The following RNGTT variants were observed in gnomAD, a reference collection of about 807,000 sequenced individuals.
RNGTT encodes the protein mRNA-capping enzyme.
RNGTT carries 33 observed loss-of-function variants against 79.3 expected under a neutral mutation model. The ratio of observed to expected loss-of-function variants is 0.42; its 90% confidence interval spans 0.32 to 0.56. The LOEUF is 0.56. RNGTT is among the 20% of genes least tolerant of loss of function. RNGTT has a pLI of 0.17. For synonymous variants in RNGTT, 222 were observed against 235.9 expected (o/e 0.94, Z 0.54); for missense variants, 497 against 739.1 (o/e 0.67, Z 3.80).
At chr6:88,686,720 A>T (rs1775291460) in intron 13 of RNGTT, among the ~76,000 whole-genome samples, 1 of 152,190 alleles carries the variant, frequency 6.6e-6, no homozygotes. Flanking sequence ...CTATCCACAC[A>T]GATGAAAATA....
chr6:88,920,147 T>G (rs1784122574), intron 4 of RNGTT, among the ~76,000 whole-genome samples: 1 of 152,034 alleles, frequency 6.6e-6, no homozygotes, highest in African/African-American at 2.4e-5. Context: ...TATAATACAA[T>G]AAAGGCAAAA....
chr6:88,825,418 A>G (rs1322045253), intron 11 of RNGTT, among the ~76,000 whole-genome samples: 1 of 152,220 alleles, frequency 6.6e-6, no homozygotes, highest in African/African-American at 2.4e-5. Context: ...ATCCTAAGGA[A>G]ATAACTCATG....
rs1325436251 is a variant in RNGTT, at chr6:88,904,975, T to C, written c.444-20A>G. 6 of 1,608,976 alleles carry C rather than the reference T, an allele frequency of 3.7e-6. No individual in the cohort carries two copies. Among genetic ancestry groups the C allele is most frequent in the Non-Finnish European group, 8.5e-7 (1 of 1,177,384 alleles). Reference sequence around the variant, plus strand: ...TCGATACTATAGGAAACAAACACCATGCAATTTCCTCGCTATCCTCTATTT... The same window carrying C: ...TCGATACTATAGGAAACAAACACCACGCAATTTCCTCGCTATCCTCTATTT... On this transcript the variant is annotated intron_variant, in intron 5 of 15. Coordinates refer to ENST00000369485, the MANE Select transcript of RNGTT (RefSeq NM_003800.5).
intron 4 of RNGTT, among the ~76,000 whole-genome samples, chr6:88,921,527 C>G (rs1485037798): frequency 6.6e-6 from 1 of 152,092 alleles, no homozygotes; most frequent in Non-Finnish European, 1.5e-5. Flanking sequence ...AGTCCCTTAT[C>G]TGAAACCCTT....
intron 12 of RNGTT, among the ~76,000 whole-genome samples, chr6:88,788,662 C>T (rs1172528772): frequency 6.6e-6 from 1 of 152,154 alleles, no homozygotes; most frequent in African/African-American, 2.4e-5. Context: ...AGTAACCTAT[C>T]CCTCCATGCA....
intron 1 of RNGTT, among the ~76,000 whole-genome samples, chr6:88,962,416 G>A (rs7741449): frequency 0.034 from 5,232 of 152,248 alleles, 319 homozygotes; most frequent in African/African-American, 0.12. Flanking sequence ...AGCATCGCTT[G>A]AGTCCACGAG....
At chr6:88,954,816 G>A (rs1287074153) in intron 1 of RNGTT, among the ~76,000 whole-genome samples, 1 of 151,904 alleles carries the variant, frequency 6.6e-6, no homozygotes, top group Non-Finnish European at 1.5e-5. Context: ...GCTGAGGTGG[G>A]TGGATCACCT....
intron 13 of RNGTT, among the ~76,000 whole-genome samples, chr6:88,740,147 C>T (rs1385184144): frequency 6.6e-6 from 1 of 151,960 alleles, no homozygotes; most frequent in African/African-American, 2.4e-5. Flanking sequence ...GGAAAGAATA[C>T]TCAGGAGAAA....
At chr6:88,780,533 A>G (rs1338777930) in intron 12 of RNGTT, among the ~76,000 whole-genome samples, 2 of 152,218 alleles carry the variant, frequency 1.3e-5, no homozygotes, top group Non-Finnish European at 2.9e-5. Flanking sequence ...TCAATTTACC[A>G]GCATGTATCT....
At chr6:88,647,366 G>T (rs1174230161) in intron 14 of RNGTT, among the ~76,000 whole-genome samples, 1 of 152,098 alleles carries the variant, frequency 6.6e-6, no homozygotes, top group Non-Finnish European at 1.5e-5. Flanking sequence ...ATAACAAAGG[G>T]TAATTACCAT....
intron 4 of RNGTT, among the ~76,000 whole-genome samples, chr6:88,923,795 G>C (rs749783520): frequency 3.3e-5 from 5 of 152,062 alleles, no homozygotes; most frequent in Non-Finnish European, 5.9e-5. Context: ...AGCTATTATA[G>C]TGCTCCAACT....
chr6:88,766,422 A>G (rs1400515607), intron 13 of RNGTT, among the ~76,000 whole-genome samples: 1 of 152,128 alleles, frequency 6.6e-6, no homozygotes, highest in African/African-American at 2.4e-5. Context: ...TAAAGCCATC[A>G]TGTTTTTAAA....
chr6:88,827,465 G>A (rs751982796), intron 11 of RNGTT, among the ~76,000 whole-genome samples: 5 of 152,160 alleles, frequency 3.3e-5, no homozygotes, highest in African/African-American at 9.7e-5. Flanking sequence ...CTAGGTGGCC[G>A]TTTGGGCAGA....
intron 2 of RNGTT, among the ~76,000 whole-genome samples, chr6:88,929,734 T>C (rs1435131924): frequency 6.6e-6 from 1 of 151,974 alleles, no homozygotes; most frequent in Non-Finnish European, 1.5e-5. Context: ...TGTTAATATC[T>C]ATTGACTACA....
chr6:88,766,952 A>G (rs1008405261), intron 13 of RNGTT, among the ~76,000 whole-genome samples: 3 of 152,118 alleles, frequency 2.0e-5, no homozygotes, highest in African/African-American at 7.2e-5. Context: ...GTATAGACAT[A>G]TTTCTTACAG....
At chr6:88,844,332 AAT>A in intron 11 of RNGTT, 23 bp downstream of exon 11, 7 of 1,595,030 alleles carry the variant, frequency 4.4e-6, no homozygotes, top group Non-Finnish European at 6.0e-6. Flanking sequence ...TATTAGCACT[AAT>A]TTAAAAAAAA....
At position 88,890,578 on chromosome 6, in the gene RNGTT, T is replaced by C. The variant is rs762746074; in HGVS notation, c.813A>G (p.Ala271=). 4.3e-6 allele frequency: 7 copies of C among 1,613,280 alleles called. No homozygotes were observed. The highest frequency in any genetic ancestry group is 5.9e-6 in the Non-Finnish European group (7 of 1,179,520). Residue 271 remains alanine (A), a synonymous_variant, in exon 8 of 16, where the codon GCA becomes GCG. Coordinates refer to ENST00000369485, the MANE Select transcript of RNGTT (RefSeq NM_003800.5). The part of the protein sequence containing the change: ...CGWEGSGFPG[A]QPVSMDKQNI... ...TTTGCTTGTCCATGGAAACAGGCTG[T>C]GCTCCAGGGAATCCAGACCTTAAAG...
intron 11 of RNGTT, among the ~76,000 whole-genome samples, chr6:88,806,551 G>A (rs1264200216): frequency 6.6e-6 from 1 of 152,130 alleles, no homozygotes; most frequent in African/African-American, 2.4e-5. Flanking sequence ...TCCTGACCTC[G>A]TGATCTGCCT....
In RNGTT at chr6:88,889,608, C is replaced by T. The variant is rs182829427; in HGVS notation, c.896+887G>A. On this transcript the variant is annotated intron_variant, in intron 8 of 15. Transcript: ENST00000369485. ...CATTTTATTATGAAATAGTTAATGA[C>T]TTCTATGTTAATATCTGTTAAAATA... 5.9e-5 allele frequency among the ~76,000 whole-genome samples: 9 copies of T among 152,068 alleles called. No homozygotes were observed. In the East Asian group the frequency reaches 1.7e-3, roughly 29 times the overall value.
Sources: allele counts gnomAD v4.1 joint callset (sites outside exome capture counted in the v4.1 genomes callset), GRCh38; gene constraint gnomAD v4.1.1; transcripts MANE v1.5; gene names NCBI Gene and HGNC (gene_info 2026-07-23, HGNC 2026-07-21).